NTNG1: variants seen among roughly 807,000 people sequenced by gnomAD.
NTNG1 encodes netrin G1.
A neutral mutation model predicts 54.0 loss-of-function variants in NTNG1; 16 were observed. The observed-to-expected ratio is 0.30, with a 90% confidence interval of 0.20 to 0.45. The LOEUF (loss-of-function observed/expected upper bound fraction) is 0.45. Ranked by LOEUF, NTNG1 falls within the 20% of genes least tolerant of loss-of-function variation. The probability of loss-of-function intolerance (pLI) is 1.00; values close to 1 mark genes in which losing one functional copy is unlikely to be tolerated. For synonymous variants in NTNG1, 255 were observed against 263.1 expected (o/e 0.97, Z 0.30); for missense variants, 530 against 678.7 (o/e 0.78, Z 2.43).
At chr1:107,376,753 C>CT (rs1218976841) in intron 3 of NTNG1, among the ~76,000 whole-genome samples, 2 of 152,096 alleles carry the variant, frequency 1.3e-5, no homozygotes, top group African/African-American at 4.8e-5. Flanking sequence ...TCGAGTGAAC[C>CT]TTACTGGATA....
At chr1:107,243,058 T>C (rs1176926196) in intron 2 of NTNG1, among the ~76,000 whole-genome samples, 2 of 152,234 alleles carry the variant, frequency 1.3e-5, no homozygotes, top group Non-Finnish European at 2.9e-5. Flanking sequence ...ATCAAGGGGT[T>C]TGTTGAAAAT....
intron 2 of NTNG1, among the ~76,000 whole-genome samples, chr1:107,252,946 A>G (rs1293732571): frequency 6.6e-6 from 1 of 152,198 alleles, no homozygotes; most frequent in African/African-American, 2.4e-5. Context: ...ATAGGCATGG[A>G]TCCTGTCACC....
intron 2 of NTNG1, among the ~76,000 whole-genome samples, chr1:107,252,867 A>G (rs1025286699): frequency 2.0e-5 from 3 of 152,180 alleles, no homozygotes; most frequent in Admixed American, 6.5e-5. Context: ...TATCCCTCCT[A>G]TAGCGGCAGT....
intron 2 of NTNG1, among the ~76,000 whole-genome samples, chr1:107,238,586 A>G (rs1009723966): frequency 6.6e-6 from 1 of 152,108 alleles, no homozygotes; most frequent in Non-Finnish European, 1.5e-5. Context: ...GTGGGAGGTA[A>G]ATGAATCATT....
intron 2 of NTNG1, among the ~76,000 whole-genome samples, chr1:107,153,442 A>G (rs375881533): frequency 6.6e-6 from 1 of 152,234 alleles, no homozygotes; most frequent in South Asian, 2.1e-4. Flanking sequence ...AAATGAATGA[A>G]GTTTTAGTAA....
intron 6 of NTNG1, among the ~76,000 whole-genome samples, chr1:107,431,730 A>G (rs1000052186): frequency 6.6e-6 from 1 of 152,198 alleles, no homozygotes; most frequent in East Asian, 1.9e-4. Context: ...ATGGAATTTC[A>G]CTTCATAATT....
At chr1:107,332,778 T>C (rs1366820383) in intron 3 of NTNG1, among the ~76,000 whole-genome samples, 3 of 152,094 alleles carry the variant, frequency 2.0e-5, no homozygotes, top group Non-Finnish European at 4.4e-5. Flanking sequence ...TATGGGTCTA[T>C]ATTTTCAATT....
intron 2 of NTNG1, among the ~76,000 whole-genome samples, chr1:107,239,948 C>T (rs1388308658): frequency 1.3e-5 from 2 of 152,140 alleles, no homozygotes; most frequent in East Asian, 1.9e-4. Flanking sequence ...ATTACATAAA[C>T]ACACAGATCA....
intron 3 of NTNG1, among the ~76,000 whole-genome samples, chr1:107,342,795 T>TGTC (rs1305938300): frequency 5.3e-5 from 8 of 152,064 alleles, no homozygotes; most frequent in Admixed American, 5.3e-4. Context: ...CCTATAGAGG[T>TGTC]GTCATACCAC....
intron 5 of NTNG1, among the ~76,000 whole-genome samples, chr1:107,425,075 C>T (rs973149967): frequency 3.9e-5 from 6 of 151,944 alleles, no homozygotes; most frequent in African/African-American, 1.5e-4. Flanking sequence ...CTGGGGACCC[C>T]ATTGAGGTTT....
rs115086712 is a variant in NTNG1 at position 107,426,670 on chromosome 1, G to T, written c.1088-4080G>T. Among the ~76,000 whole-genome samples, 1,329 of 151,786 alleles carry T rather than the reference G, an allele frequency of 8.8e-3. 11 individuals are homozygous for T. The highest frequency in any genetic ancestry group is 0.011 in the Non-Finnish European group (742 of 67,800). On this transcript the variant is annotated intron_variant, in intron 5 of 7. Coordinates refer to ENST00000370068, the MANE Select transcript of NTNG1 (RefSeq NM_001113226.3). ...TTGGCTATTTGGGCTTTTTTTGGGG[G>T]GTGGGGTTCCATATGAACTTCAGGA...
chr1:107,375,451 C>T (rs1159486968), intron 3 of NTNG1, among the ~76,000 whole-genome samples: 1 of 152,218 alleles, frequency 6.6e-6, no homozygotes, highest in African/African-American at 2.4e-5. Flanking sequence ...GGTCTTGTTA[C>T]TCCAACTTGG....
chr1:107,220,678 G>C (rs1010319462), intron 2 of NTNG1, among the ~76,000 whole-genome samples: 1 of 152,176 alleles, frequency 6.6e-6, no homozygotes, highest in Non-Finnish European at 1.5e-5. Context: ...TCATAGGATT[G>C]TTGTGAACAT....
chr1:107,172,614 A>G (rs1258499954), intron 2 of NTNG1, among the ~76,000 whole-genome samples: 2 of 152,148 alleles, frequency 1.3e-5, no homozygotes, highest in Non-Finnish European at 2.9e-5. Flanking sequence ...ATAAAAGAAA[A>G]GAGGCCAGTG....
intron 3 of NTNG1, among the ~76,000 whole-genome samples, chr1:107,332,888 G>A (rs1668366675): frequency 6.6e-6 from 1 of 151,870 alleles, no homozygotes. Flanking sequence ...TTTATAGGTA[G>A]GAAAACTACA....
intron 3 of NTNG1, among the ~76,000 whole-genome samples, chr1:107,365,855 T>G (rs915173808): frequency 6.6e-6 from 1 of 152,212 alleles, no homozygotes; most frequent in African/African-American, 2.4e-5. Flanking sequence ...TTTATGTTCA[T>G]TCAAAGCTAT....
intron 3 of NTNG1, among the ~76,000 whole-genome samples, chr1:107,338,296 A>G (rs1420966994): frequency 2.0e-5 from 3 of 152,028 alleles, no homozygotes; most frequent in Non-Finnish European, 4.4e-5. Flanking sequence ...GGGAAAAAAT[A>G]AAAATACAAG....
chr1:107,288,261 C>T (rs777654263), intron 2 of NTNG1, among the ~76,000 whole-genome samples: 35 of 151,994 alleles, frequency 2.3e-4, no homozygotes, highest in Non-Finnish European at 4.4e-4. Context: ...GATGTTAACT[C>T]AAACTTGGAA....
intron 2 of NTNG1, among the ~76,000 whole-genome samples, chr1:107,162,327 G>T (rs560484021): frequency 6.6e-6 from 1 of 152,062 alleles, no homozygotes; most frequent in South Asian, 2.1e-4. Flanking sequence ...AATAAGTTTT[G>T]TCGTGTTTAT....
Sources: gnomAD v4.1 joint callset for allele counts (sites outside exome capture counted in the v4.1 genomes callset) on GRCh38, gnomAD v4.1.1 for gene constraint, MANE v1.5 for transcripts, NCBI Gene and HGNC (gene_info 2026-07-23, HGNC 2026-07-21) for gene names.